KCNN3: variants seen among roughly 807,000 people sequenced by gnomAD.
The protein encoded by KCNN3 is small conductance calcium-activated potassium channel protein 3.
Under a neutral mutation model 62.9 loss-of-function variants are expected in KCNN3, and 16 were observed. The observed-to-expected ratio is 0.25, with a 90% CI of 0.17 to 0.39. The LOEUF (loss-of-function observed/expected upper bound fraction) is 0.39, where lower values mean the gene tolerates loss of function less well. Ranked by LOEUF, KCNN3 falls within the 10% of genes least tolerant of loss-of-function variation. KCNN3 has a pLI of 1.00. For missense variants in KCNN3, 599 were observed against 949.4 expected (o/e 0.63, Z 4.85); for synonymous variants, 370 against 389.2 (o/e 0.95, Z 0.58).
rs138364260 is a variant in KCNN3, at chr1:154,772,019, G to A, written c.1404C>T (p.Ile468=). 2.6e-5 allele frequency: 42 copies of A among 1,614,022 alleles called. No homozygotes were observed. The highest frequency in any genetic ancestry group is 3.3e-4 in the Middle Eastern group (2 of 6,084). Residue 468 remains isoleucine, a synonymous_variant, in exon 3 of 8, where the codon ATC becomes ATT. Coordinates refer to ENST00000271915, the MANE Select transcript of KCNN3 (RefSeq NM_002249.6). The surrounding 1 kb of genome is among the most constrained non-coding windows in gnomAD (Gnocchi z 5.6). ...CPGTVLLVFS[I]SLWIIAAWTV... is the part of the protein sequence containing the mutation. Reference sequence around the variant, plus strand: ...TCCAGGCAGCAATGATCCACAGAGAGATGCTGAACACGAGCAGCACAGTGC... The same window carrying A: ...TCCAGGCAGCAATGATCCACAGAGAAATGCTGAACACGAGCAGCACAGTGC...
At position 154,868,915 on chromosome 1, in the gene KCNN3, TC is replaced by T. The variant is rs1653061223; in HGVS notation, c.933+116del. 8 of 1,034,106 alleles carry T rather than the reference TC, an allele frequency of 7.7e-6. No homozygotes were observed. The East Asian group carries it at 1.7e-4, about 22-fold the overall frequency. 64.1% of individuals were successfully genotyped at this position (1,034,106 alleles called of 1,614,324 possible). The stretch of plus-strand genomic sequence containing the variant: ...CAATCTCTCAATCTCTCTCTCTCTC[TC>T]TCTCTCTCTCTCTCTCTCTCAATCT... On this transcript the variant is annotated intron_variant, in intron 1 of 7. Transcript: ENST00000271915.
chr1:154,747,949 C>T (rs923341866), intron 3 of KCNN3, among the ~76,000 whole-genome samples: 2 of 152,200 alleles, frequency 1.3e-5, no homozygotes, highest in Non-Finnish European at 1.5e-5. Context: ...TCCGGAAAGC[C>T]GTCCCGGATC....
Position 154,725,925 on chromosome 1 carries a change from G to A in KCNN3, c.1692C>T (p.Leu564=). Residue 564 remains leucine, a synonymous_variant, in exon 5 of 8, where the codon CTC becomes CTT. Transcript: ENST00000271915. ...HVHNFMMDTQ[L]TKRIKNAAAN... ...CTGTGTGGCATCTTACCCGCTTGGT[G>A]AGCTGAGTGTCCATCATGAAGTTAT... 4 of 1,613,470 alleles carry A rather than the reference G, an allele frequency of 2.5e-6. No individual in the cohort carries two copies. In the Middle Eastern group the frequency reaches 6.6e-4, roughly 266 times the overall value.
At chr1:154,734,992 G>T (rs1038091561) in intron 3 of KCNN3, among the ~76,000 whole-genome samples, 3 of 150,800 alleles carry the variant, frequency 2.0e-5, no homozygotes, top group Non-Finnish European at 4.4e-5. Flanking sequence ...CAGGTGACCA[G>T]GGGGCTTCAG....
chr1:154,732,932 G>A, intron 4 of KCNN3, 71 bp downstream of exon 4: 1 of 1,579,270 alleles, frequency 6.3e-7, no homozygotes, highest in Non-Finnish European at 8.7e-7. Context: ...AGGCCCCTAT[G>A]TGCTTGCAAG....
rs1307614145 is a variant in KCNN3, at chr1:154,706,581, C to T, written c.*1395G>A. The T allele has an allele frequency of 3.3e-5, 5 of 152,172 alleles. No homozygotes were observed. The highest frequency in any genetic ancestry group is 6.5e-5 in the Admixed American group (1 of 15,282). 9.4% of individuals were successfully genotyped at this position (152,172 alleles called of 1,614,324 possible). ...TTTGAGATGTATTGGAATAGTTTTTCGCACCAAGATTAACATGGCACAGTA... is the reference window on the plus strand; with the variant it reads ...TTTGAGATGTATTGGAATAGTTTTTTGCACCAAGATTAACATGGCACAGTA... On this transcript the variant is annotated 3_prime_UTR_variant, in exon 8 of 8. Coordinates refer to ENST00000271915, the MANE Select transcript of KCNN3 (RefSeq NM_002249.6).
intron 4 of KCNN3, among the ~76,000 whole-genome samples, chr1:154,730,769 T>C (rs968643122): frequency 2.6e-5 from 4 of 152,202 alleles, no homozygotes; most frequent in African/African-American, 9.7e-5. Context: ...AAGGTGGGAA[T>C]TGGCTCCTCA....
Position 154,704,141 on chromosome 1 carries a change from T to C in KCNN3, c.*3835A>G, listed in dbSNP as rs1699919388. 6.6e-6 allele frequency: 1 copy of C among 152,274 alleles called. No homozygotes were observed. Among genetic ancestry groups the C allele is most frequent in the Non-Finnish European group, 1.5e-5 (1 of 68,044 alleles). 9.4% of individuals were successfully genotyped at this position (152,274 alleles called of 1,614,324 possible). A position where few individuals can be genotyped will look rare whatever the true frequency, so the allele number is the denominator to read the frequency against. On this transcript the variant is annotated 3_prime_UTR_variant, in exon 8 of 8. Transcript: ENST00000271915. The stretch of plus-strand genomic sequence containing the variant: ...GGCTTTTAATAATAAAAATAGCTTG[T>C]ACATGCTCAGCGCTTGGAATTTACT...
chr1:154,746,456 C>G (rs186833910), intron 3 of KCNN3, among the ~76,000 whole-genome samples: 105 of 152,272 alleles, frequency 6.9e-4, no homozygotes, highest in Non-Finnish European at 1.1e-3. Flanking sequence ...GTTTAATAAG[C>G]AGAACCCCGT....
At chr1:154,755,527 GAAGAA>G (rs1647613041) in intron 3 of KCNN3, among the ~76,000 whole-genome samples, 1 of 93,578 alleles carries the variant, frequency 1.1e-5, no homozygotes, top group African/African-American at 3.8e-5. Flanking sequence ...AAGAAAGAAA[GAAGAA>G]GAAAGGAAAG....
chr1:154,779,409 G>C (rs1046377561), intron 2 of KCNN3, among the ~76,000 whole-genome samples: 7 of 152,060 alleles, frequency 4.6e-5, no homozygotes, highest in Non-Finnish European at 1.0e-4. Flanking sequence ...AGTTATATTT[G>C]CTGGCCAGTC....
intron 2 of KCNN3, among the ~76,000 whole-genome samples, chr1:154,815,705 T>C (rs968304821): frequency 1.3e-5 from 2 of 152,118 alleles, no homozygotes; most frequent in African/African-American, 4.8e-5. Flanking sequence ...TTTAGAGAGG[T>C]CAGTACGTGC....
intron 4 of KCNN3, among the ~76,000 whole-genome samples, 198 bp from the exon 5 acceptor site, chr1:154,726,224 G>A (rs1039460821): frequency 1.3e-5 from 2 of 152,168 alleles, no homozygotes; most frequent in African/African-American, 4.8e-5. Context: ...CCCACAGAGG[G>A]GTCTGCAGTG....
At position 154,787,593 on chromosome 1, in the gene KCNN3, G is replaced by A. The variant is rs1003639221; in HGVS notation, c.1030-15200C>T. Among the ~76,000 whole-genome samples, 8 of 152,140 alleles carry A rather than the reference G, an allele frequency of 5.3e-5. No individual in the cohort carries two copies. The East Asian group carries it at 7.7e-4, about 15-fold the overall frequency. The stretch of plus-strand genomic sequence containing the variant: ...TGACTGGGGGCACTATTTGCAATTC[G>A]GGGTCTGTGCTGCTGTGTGTTCAAT... On this transcript the variant is annotated intron_variant, in intron 2 of 7. Coordinates refer to ENST00000271915, the MANE Select transcript of KCNN3 (RefSeq NM_002249.6).
chr1:154,756,507 C>T (rs1434410947), intron 3 of KCNN3, among the ~76,000 whole-genome samples: 1 of 152,064 alleles, frequency 6.6e-6, no homozygotes, highest in Non-Finnish European at 1.5e-5. Flanking sequence ...TGTTTACTCT[C>T]CTTCCAGTGA....
At chr1:154,853,938 C>T (rs770912194) in intron 1 of KCNN3, among the ~76,000 whole-genome samples, 8 of 150,252 alleles carry the variant, frequency 5.3e-5, no homozygotes, top group African/African-American at 1.2e-4. Context: ...AGTGAGACTC[C>T]GTCTCACAAA....
intron 2 of KCNN3, among the ~76,000 whole-genome samples, chr1:154,811,025 C>T (rs1454970386): frequency 5.3e-5 from 8 of 152,186 alleles, no homozygotes; most frequent in Non-Finnish European, 1.0e-4. Flanking sequence ...AGCCTAACTA[C>T]GGGACTGTCG....
chr1:154,715,907 G>A (rs1267859601), intron 5 of KCNN3, among the ~76,000 whole-genome samples: 1 of 152,096 alleles, frequency 6.6e-6, no homozygotes, highest in African/African-American at 2.4e-5. Flanking sequence ...GGAACTATAG[G>A]TACCAACGAG....
chr1:154,725,794 C>T (rs1700450068), intron 5 of KCNN3, 122 bp downstream of exon 5: 2 of 735,712 alleles, frequency 2.7e-6, no homozygotes, highest in African/African-American at 3.5e-5. Context: ...CGACCCTCCT[C>T]AGCCTCCTAA....
Sources: allele counts gnomAD v4.1 joint callset (sites outside exome capture counted in the v4.1 genomes callset), GRCh38; gene constraint gnomAD v4.1.1; non-coding constraint Gnocchi (gnomAD v3.1); transcripts MANE v1.5; gene names NCBI Gene and HGNC (gene_info 2026-07-23, HGNC 2026-07-21).